Variants in RFTN2 observed in about 807,000 individuals in gnomAD.
RFTN2 encodes the protein raftlin-2.
Under a neutral mutation model 52.7 loss-of-function variants are expected in RFTN2, and 34 were observed. The observed-to-expected ratio is 0.64, with a 90% CI of 0.49 to 0.86. RFTN2 has a LOEUF of 0.86. Ranked by LOEUF, RFTN2 falls within the 40% of genes least tolerant of loss-of-function variation. RFTN2 has a pLI of 0.00. For missense variants in RFTN2, 536 were observed against 600.1 expected (o/e 0.89, Z 1.12); for synonymous variants, 203 against 217.7 (o/e 0.93, Z 0.59).
Position 197,631,049 on chromosome 2 carries a change from G to T in RFTN2, c.890C>A (p.Ser297Tyr). 1 of 1,611,946 alleles carries T rather than the reference G, an allele frequency of 6.2e-7. No individual in the cohort carries two copies. Among genetic ancestry groups the T allele is most frequent in the South Asian group, 1.1e-5 (1 of 90,944 alleles). Residue 297 changes from serine (S) to tyrosine (Y), a missense_variant, in exon 5 of 9, where the codon TCT becomes TAT. Transcript: ENST00000295049. ...CCAGAATACAAAAGAATCAATTAAA[G>T]ACAAGCCTTGTTTATAATAAAAGGT... ...LTTFYYKQGL[S>Y]LIDSFVFWET... is the part of the protein sequence containing the mutation.
chr2:197,649,208 G>A (rs2088792852), intron 1 of RFTN2, among the ~76,000 whole-genome samples: 1 of 152,136 alleles, frequency 6.6e-6, no homozygotes, highest in African/African-American at 2.4e-5. Flanking sequence ...GCAGTGACGT[G>A]GAATTTGTAA....
intron 1 of RFTN2, among the ~76,000 whole-genome samples, chr2:197,665,382 A>G (rs1250103903): frequency 4.6e-5 from 7 of 152,148 alleles, no homozygotes; most frequent in South Asian, 2.1e-4. Flanking sequence ...CTAATCTCAC[A>G]TTGAAGTCTA....
chr2:197,578,603 C>A (rs1276227484), intron 8 of RFTN2, among the ~76,000 whole-genome samples: 1 of 152,156 alleles, frequency 6.6e-6, no homozygotes, highest in East Asian at 1.9e-4. Flanking sequence ...AGAGAACAAC[C>A]CCCTTTGACT....
chr2:197,573,867 G>T (rs561752365), intron 8 of RFTN2, among the ~76,000 whole-genome samples: 1 of 152,390 alleles, frequency 6.6e-6, no homozygotes, highest in Non-Finnish European at 1.5e-5. Flanking sequence ...TCTTCAGAGG[G>T]TGCAAGCCCC....
chr2:197,617,736 T>C (rs1419811543), intron 6 of RFTN2, 64 bp downstream of exon 6: 6 of 626,810 alleles, frequency 9.6e-6, no homozygotes, highest in East Asian at 1.4e-4. Flanking sequence ...AAACCAAACA[T>C]ATATATATAT....
chr2:197,617,739 ATATATAT>A lies in RFTN2; in HGVS notation c.1050+54_1050+60del, dbSNP rs930215393. 6.7e-5 allele frequency: 43 copies of A among 638,362 alleles called. No individual in the cohort carries two copies. The African/African-American group carries it at 6.8e-4, about 10-fold the overall frequency. 39.5% of individuals were successfully genotyped at this position (638,362 alleles called of 1,614,324 possible). Reference sequence around the variant, plus strand: ...AATGAAAAACCCAAACCAAACATATATATATATTATATATTATATTTATATATGTAAA... The same window carrying A: ...AATGAAAAACCCAAACCAAACATATATATATATTATATTTATATATGTAAA... On this transcript the variant is annotated intron_variant, in intron 6 of 8. Coordinates refer to ENST00000295049, the MANE Select transcript of RFTN2 (RefSeq NM_144629.3).
At chr2:197,666,232 T>C (rs1197702014) in intron 1 of RFTN2, among the ~76,000 whole-genome samples, 3 of 152,160 alleles carry the variant, frequency 2.0e-5, no homozygotes, top group Non-Finnish European at 4.4e-5. Context: ...CTACAGGTGT[T>C]TGCCACCATG....
intron 5 of RFTN2, among the ~76,000 whole-genome samples, chr2:197,630,794 G>A (rs775316119): frequency 2.0e-5 from 3 of 152,086 alleles, no homozygotes. Flanking sequence ...AACATTTTAC[G>A]TTATATTTCT....
intron 2 of RFTN2, among the ~76,000 whole-genome samples, chr2:197,646,198 A>G (rs1412574643): frequency 6.6e-6 from 1 of 152,158 alleles, no homozygotes; most frequent in Non-Finnish European, 1.5e-5. Flanking sequence ...TGAAGTGGCT[A>G]CAGGAGCTTC....
intron 1 of RFTN2, among the ~76,000 whole-genome samples, chr2:197,657,079 G>A (rs2088905099): frequency 6.6e-6 from 1 of 152,188 alleles, no homozygotes; most frequent in East Asian, 1.9e-4. Flanking sequence ...GGCCAGGCTT[G>A]TACTGAACTC....
intron 1 of RFTN2, among the ~76,000 whole-genome samples, chr2:197,659,477 TAA>T (rs55804577): frequency 0.22 from 20,997 of 95,052 alleles, 1,413 homozygotes; most frequent in East Asian, 0.28. Context: ...CTCCATCTCA[TAA>T]AAAAAAAAAA....
rs1174234336 is a variant in RFTN2, at chr2:197,633,781, T to A, written c.655A>T (p.Ser219Cys). ...SGIEEELHHE[S>C]GQYQMEQNGS... ...TTTTGTTCCATTTGATACTGTCCAC[T>A]TTCATGATGAAGTTCTTCCTCAATT... is the stretch of plus-strand genomic sequence containing the variant. Residue 219 changes from serine to cysteine, a missense_variant, in exon 4 of 9, where the codon AGT becomes TGT. Physicochemically the swap from Ser to Cys is moderately radical, Grantham distance 112. Transcript: ENST00000295049. 6.2e-7 allele frequency: 1 copy of A among 1,613,860 alleles called. No individual in the cohort carries two copies. Among genetic ancestry groups the A allele is most frequent in the South Asian group, 1.1e-5 (1 of 91,074 alleles).
rs1420180535 is a variant in RFTN2, at chr2:197,599,415, C to T, written c.1155-3346G>A. Among the ~76,000 whole-genome samples the T allele has an allele frequency of 2.6e-5, 4 of 152,160 alleles. No individual in the cohort carries two copies. The East Asian group carries it at 7.7e-4, about 29-fold the overall frequency. On this transcript the variant is annotated intron_variant, in intron 7 of 8. Coordinates refer to ENST00000295049, the MANE Select transcript of RFTN2 (RefSeq NM_144629.3). ...AATTTGGAATGTGGGCGAGGAGTTA[C>T]TTACTCCCTCTGCAGTGTGACACAA... is the stretch of plus-strand genomic sequence containing the variant.
At chr2:197,598,956 TTC>T (rs1054730273) in intron 7 of RFTN2, among the ~76,000 whole-genome samples, 2 of 151,274 alleles carry the variant, frequency 1.3e-5, no homozygotes, top group Non-Finnish European at 3.0e-5. Context: ...ATTCTTCTTC[TTC>T]TTTTTTTTTT....
At chr2:197,641,303 G>T (rs1473776206) in intron 3 of RFTN2, among the ~76,000 whole-genome samples, 1 of 152,146 alleles carries the variant, frequency 6.6e-6, no homozygotes, top group Non-Finnish European at 1.5e-5. Context: ...CTAGGACAAG[G>T]GACTGGAGCT....
In RFTN2 at chr2:197,613,869, G is replaced by T. The variant is rs76907075; in HGVS notation, c.1154+2007C>A. On this transcript the variant is annotated intron_variant, in intron 7 of 8. Transcript: ENST00000295049. ...TTGTAGTGAGCCTTGTTGCATAATG[G>T]CAATTAATGTTAAAATTACATTTTT... Among the ~76,000 whole-genome samples, 1,194 of 152,288 alleles carry T rather than the reference G, an allele frequency of 7.8e-3. 12 individuals are homozygous for T. Among genetic ancestry groups the T allele is most frequent in the African/African-American group, 0.027 (1,116 of 41,564 alleles).
chr2:197,595,304 C>T (rs753617133), intron 8 of RFTN2, among the ~76,000 whole-genome samples: 4 of 152,234 alleles, frequency 2.6e-5, no homozygotes, highest in Non-Finnish European at 4.4e-5. Context: ...CTGTTCCTCT[C>T]TCCTCTTAGG....
chr2:197,656,153 G>A (rs965972853), intron 1 of RFTN2, among the ~76,000 whole-genome samples: 3 of 152,138 alleles, frequency 2.0e-5, no homozygotes, highest in Non-Finnish European at 4.4e-5. Flanking sequence ...CCTTCTGTGT[G>A]CCGTAGTTTC....
chr2:197,665,617 AAT>A (rs1424104982), intron 1 of RFTN2, among the ~76,000 whole-genome samples: 7 of 147,880 alleles, frequency 4.7e-5, no homozygotes, highest in African/African-American at 1.8e-4. Flanking sequence ...ATTTACATGG[AAT>A]ATCATTTTCT....
Sources: allele counts gnomAD v4.1 joint callset (sites outside exome capture counted in the v4.1 genomes callset), GRCh38; gene constraint gnomAD v4.1.1; transcripts MANE v1.5; gene names NCBI Gene and HGNC (gene_info 2026-07-23, HGNC 2026-07-21).